Variants in FBLN2 observed in about 807,000 individuals in gnomAD.
The protein encoded by FBLN2 is fibulin-2.
Under a neutral mutation model 123.7 loss-of-function variants are expected in FBLN2, and 81 were observed. That is an observed-to-expected ratio of 0.65 (90% confidence interval 0.55 to 0.79). The LOEUF (loss-of-function observed/expected upper bound fraction) is 0.79. FBLN2 is among the 30% of genes least tolerant of loss of function. The probability of loss-of-function intolerance (pLI) is 0.00; values close to 1 mark genes in which losing one functional copy is unlikely to be tolerated. For synonymous variants in FBLN2, 699 were observed against 701.4 expected (o/e 1.00, Z 0.05); for missense variants, 1,603 against 1,681.3 (o/e 0.95, Z 0.81).
At chr3:13,586,300 T>G (rs1361108454) in intron 2 of FBLN2, among the ~76,000 whole-genome samples, 1 of 151,896 alleles carries the variant, frequency 6.6e-6, no homozygotes, top group Non-Finnish European at 1.5e-5. Context: ...TTCTCCTGCT[T>G]CAGCCTCCTG....
Position 13,629,230 on chromosome 3 carries a change from G to T in FBLN2, c.2780G>T (p.Gly927Val), listed in dbSNP as rs762605078. Residue 927 changes from glycine to valine, a missense_variant, in exon 13 of 18, where the codon GGC (glycine) becomes GTC (valine). Physicochemically the swap from Gly to Val is moderately radical, Grantham distance 109. Transcript: ENST00000404922. ...GGCCAAGTGTGCCACAACCTCCCTGGCTCCTACCGCTGTGACTGCAAAGCC... is the reference window on the plus strand; with the variant it reads ...GGCCAAGTGTGCCACAACCTCCCTGTCTCCTACCGCTGTGACTGCAAAGCC... ...GEGQVCHNLP[G>V]SYRCDCKAGF... 27 of 1,613,166 alleles carry T rather than the reference G, an allele frequency of 1.7e-5. No homozygotes were observed. The highest frequency in any genetic ancestry group is 2.2e-5 in the Non-Finnish European group (26 of 1,179,760).
Position 13,629,298 on chromosome 3 carries a change from TA to T in FBLN2, c.2842+7del. The T allele has an allele frequency of 6.2e-7, 1 of 1,603,964 alleles. No homozygotes were observed. The highest frequency in any genetic ancestry group is 8.5e-7 in the Non-Finnish European group (1 of 1,176,310). ...CTTTGGCCGGGGCTGCATCGGTAGG[TA>T]GGCTGGTGGCCAGGACCCCTGGGGA... On this transcript the variant is annotated splice_region_variant and intron_variant, in intron 13 of 17. Transcript: ENST00000404922.
In FBLN2 at chr3:13,630,773, C is replaced by A; in HGVS notation, c.3043C>A (p.Arg1015Ser). 6.2e-7 allele frequency: 1 copy of A among 1,609,324 alleles called. No individual in the cohort carries two copies. The highest frequency in any genetic ancestry group is 2.2e-5 in the East Asian group (1 of 44,742). Reference protein sequence around the residue: ...NIYGSYQCYCRQGYQLAEDGH... With the variant: ...NIYGSYQCYCSQGYQLAEDGH... ...CTATGGCTCCTACCAGTGCTACTGC[C>A]GCCAGGGCTACCAGCTGGCTGAGGA... is the stretch of plus-strand genomic sequence containing the variant. Residue 1015 changes from arginine to serine, a missense_variant, in exon 15 of 18, where the codon CGC becomes AGC. Coordinates refer to ENST00000404922, the MANE Select transcript of FBLN2 (RefSeq NM_001004019.2).
In FBLN2 at chr3:13,576,250, G is replaced by C. The variant is rs753877750; in HGVS notation, c.1306+4589G>C. On this transcript the variant is annotated intron_variant, in intron 2 of 17. Transcript: ENST00000404922. ...GCCACAGCTATGGGCAGCAGAATGA[G>C]TAGATGGGAACACTGCTGACACTGC... Among the ~76,000 whole-genome samples, 27 of 152,206 alleles carry C rather than the reference G, an allele frequency of 1.8e-4. 1 individual carries two copies. The highest frequency in any genetic ancestry group is 6.5e-4 in the African/African-American group (27 of 41,450).
At chr3:13,626,389 A>C (rs1574996348) in intron 9 of FBLN2, 56 bp from the exon 10 acceptor site, 2 of 1,457,728 alleles carry the variant, frequency 1.4e-6, no homozygotes, top group Non-Finnish European at 1.8e-6. Flanking sequence ...TGCTGGCTGC[A>C]CTCAGCCACT....
intron 2 of FBLN2, among the ~76,000 whole-genome samples, chr3:13,583,946 G>A (rs932608738): frequency 2.6e-5 from 4 of 152,232 alleles, no homozygotes; most frequent in South Asian, 2.1e-4. Context: ...GGTCCCTGCT[G>A]TTAACTCCAG....
chr3:13,629,346 C>T lies in FBLN2; in HGVS notation c.2842+54C>T, dbSNP rs1346952793. The T allele has an allele frequency of 1.6e-5, 24 of 1,530,618 alleles. No homozygotes were observed. The South Asian group carries it at 1.8e-4, about 11-fold the overall frequency. 94.8% of individuals were successfully genotyped at this position (1,530,618 alleles called of 1,614,324 possible). ...GGGAACACCTGGCTGGTCCCCTGCCCTCTGTGCACTCCACCTCCCCATGCC... is the reference window on the plus strand; with the variant it reads ...GGGAACACCTGGCTGGTCCCCTGCCTTCTGTGCACTCCACCTCCCCATGCC... On this transcript the variant is annotated intron_variant, in intron 13 of 17. Coordinates refer to ENST00000404922, the MANE Select transcript of FBLN2 (RefSeq NM_001004019.2).
chr3:13,576,726 C>CG (rs987066476), intron 2 of FBLN2, among the ~76,000 whole-genome samples: 2 of 151,874 alleles, frequency 1.3e-5, no homozygotes, highest in Non-Finnish European at 2.9e-5. Context: ...GGGATCCCCC[C>CG]CCCCCGGGTT....
In FBLN2 at chr3:13,555,302, TCAG is replaced by T. The variant is rs1703433539; in HGVS notation, c.-42+6095_-42+6097del. 2.0e-5 allele frequency among the ~76,000 whole-genome samples: 3 copies of T among 152,048 alleles called. No individual in the cohort carries two copies. In the South Asian group the frequency reaches 6.2e-4, roughly 32 times the overall value. On this transcript the variant is annotated intron_variant, in intron 1 of 17. Transcript: ENST00000404922. Reference sequence around the variant, plus strand: ...CTTTGATCACAACTGTAGACAGAAATCAGGATCACTTGTCCTAAACCAGCAATA... The same window carrying T: ...CTTTGATCACAACTGTAGACAGAAATGATCACTTGTCCTAAACCAGCAATA...
intron 5 of FBLN2, among the ~76,000 whole-genome samples, chr3:13,615,569 G>C (rs182996408): frequency 6.6e-6 from 1 of 152,360 alleles, no homozygotes; most frequent in Non-Finnish European, 1.5e-5. Flanking sequence ...AGCCTTCACT[G>C]TGGCATCTGT....
At chr3:13,593,583 G>A (rs1371900052) in intron 2 of FBLN2, among the ~76,000 whole-genome samples, 4 of 152,014 alleles carry the variant, frequency 2.6e-5, no homozygotes, top group Non-Finnish European at 2.9e-5. Flanking sequence ...GCGTGGTGGT[G>A]TGCCCCTGTA....
intron 1 of FBLN2, among the ~76,000 whole-genome samples, chr3:13,554,262 G>T (rs1427060092): frequency 1.3e-5 from 2 of 152,148 alleles, no homozygotes; most frequent in Non-Finnish European, 1.5e-5. Context: ...CTGTCTTCTG[G>T]CCACGGAGAC....
At chr3:13,630,279 C>T (rs1243816833) in intron 14 of FBLN2, among the ~76,000 whole-genome samples, 3 of 152,330 alleles carry the variant, frequency 2.0e-5, no homozygotes, top group Admixed American at 6.5e-5. Context: ...GTGCGGGACG[C>T]GCCTGTGGCT....
chr3:13,593,671 G>A (rs539608364), intron 2 of FBLN2, among the ~76,000 whole-genome samples: 110 of 144,290 alleles, frequency 7.6e-4, no homozygotes, highest in Middle Eastern at 3.9e-3. Context: ...CTGAGATCGC[G>A]CCACTGCATT....
intron 2 of FBLN2, among the ~76,000 whole-genome samples, chr3:13,579,765 C>T (rs1203907400): frequency 6.6e-6 from 1 of 152,248 alleles, no homozygotes; most frequent in Non-Finnish European, 1.5e-5. Context: ...CATCTCTACA[C>T]CATGCCCCAG....
chr3:13,599,474 CG>C (rs1484814604), intron 2 of FBLN2, among the ~76,000 whole-genome samples: 1 of 152,028 alleles, frequency 6.6e-6, no homozygotes, highest in Non-Finnish European at 1.5e-5. Context: ...AGGACCCCAC[CG>C]TGTAGGACTT....
intron 1 of FBLN2, 68 bp downstream of exon 1, chr3:13,549,276 G>C: frequency 3.2e-6 from 3 of 945,912 alleles, no homozygotes; most frequent in Non-Finnish European, 2.5e-6. Flanking sequence ...CTCAGGACTC[G>C]GGGGCGCTCG....
chr3:13,620,404 TG>T (rs1210104793), intron 8 of FBLN2, among the ~76,000 whole-genome samples: 1 of 151,624 alleles, frequency 6.6e-6, no homozygotes, highest in Non-Finnish European at 1.5e-5. Context: ...CGATGGGGAG[TG>T]GGAGGGAGGC....
At chr3:13,587,885 G>A (rs141889156) in intron 2 of FBLN2, among the ~76,000 whole-genome samples, 2 of 152,174 alleles carry the variant, frequency 1.3e-5, no homozygotes, top group African/African-American at 4.8e-5. Context: ...GCTTTGAGTT[G>A]TCCTGCCTTT....
Sources: allele counts gnomAD v4.1 joint callset (sites outside exome capture counted in the v4.1 genomes callset), GRCh38; gene constraint gnomAD v4.1.1; transcripts MANE v1.5; gene names NCBI Gene and HGNC (gene_info 2026-07-23, HGNC 2026-07-21).